The following KATNAL2 variants were observed in gnomAD, a reference collection of about 807,000 sequenced individuals.
The protein encoded by KATNAL2 is katanin catalytic subunit A1 like 2, also known as katanin p60 ATPase-containing subunit A-like 2.
In KATNAL2, 52 loss-of-function variants were observed where a neutral mutation model predicts 76.3. The observed-to-expected ratio is 0.68, with a 90% CI of 0.55 to 0.86. The LOEUF (loss-of-function observed/expected upper bound fraction) is 0.86, where lower values mean the gene tolerates loss of function less well. KATNAL2 is among the 40% of genes least tolerant of loss of function. The pLI is 0.00. For missense variants in KATNAL2, 660 were observed against 668.9 expected, an observed-to-expected ratio of 0.99 and a Z score of 0.15; for synonymous variants, 243 against 244.2, an observed-to-expected ratio of 1.00 and a Z score of 0.05.
intron 1 of KATNAL2, among the ~76,000 whole-genome samples, chr18:46,943,592 T>C (rs1278796156): frequency 6.6e-6 from 1 of 152,208 alleles, no homozygotes; most frequent in Non-Finnish European, 1.5e-5. Context: ...GCATGAATAA[T>C]CCACCCCCTG....
chr18:46,921,584 G>A (rs2058547655), intron 1 of KATNAL2, among the ~76,000 whole-genome samples: 1 of 151,944 alleles, frequency 6.6e-6, no homozygotes, highest in Non-Finnish European at 1.5e-5. Flanking sequence ...TGATCTGATA[G>A]ATCAGGTGTA....
At chr18:47,063,203 C>T in intron 9 of KATNAL2, 81 bp from the exon 10 acceptor site, 1 of 1,491,386 alleles carries the variant, frequency 6.7e-7, no homozygotes, top group South Asian at 1.2e-5. Flanking sequence ...GTTTGTTTCA[C>T]CAAGACCTGT....
rs978896314 is a variant in KATNAL2 at position 47,077,339 on chromosome 18, G to C, written c.1101-12G>C. The C allele has an allele frequency of 5.0e-6, 8 of 1,603,444 alleles. No individual in the cohort carries two copies. The highest frequency in any genetic ancestry group is 6.8e-6 in the Non-Finnish European group (8 of 1,170,484). On this transcript the variant is annotated splice_polypyrimidine_tract_variant and intron_variant, in intron 14 of 17. Transcript: ENST00000683218. Reference sequence around the variant, plus strand: ...CTGACACTTAGGAGAATCACGTCTTGTCTCTCTGTAGGGGAGAACATGAAG... The same window carrying C: ...CTGACACTTAGGAGAATCACGTCTTCTCTCTCTGTAGGGGAGAACATGAAG...
At chr18:47,034,392 G>A in intron 3 of KATNAL2, 5 of 1,614,050 alleles carry the variant, frequency 3.1e-6, no homozygotes, top group South Asian at 1.1e-5. Flanking sequence ...GGACACGCTG[G>A]CCGCTGCCAG....
intron 3 of KATNAL2, among the ~76,000 whole-genome samples, chr18:47,031,831 A>C (rs1409949792): frequency 6.6e-6 from 1 of 152,118 alleles, no homozygotes; most frequent in Non-Finnish European, 1.5e-5. Flanking sequence ...TCCCAGAAAG[A>C]ATGCTTTCTT....
chr18:46,947,188 G>A (rs2059407620), intron 3 of KATNAL2, among the ~76,000 whole-genome samples: 3 of 152,312 alleles, frequency 2.0e-5, no homozygotes, highest in Middle Eastern at 3.4e-3. Flanking sequence ...CCTGATTGAG[G>A]AAATGAGGTA....
intron 6 of KATNAL2, among the ~76,000 whole-genome samples, chr18:47,054,956 C>G (rs764272590): frequency 1.3e-5 from 2 of 152,270 alleles, no homozygotes; most frequent in Admixed American, 6.5e-5. Context: ...ACCCATTCTT[C>G]TCTTGCTTTT....
At chr18:47,086,831 G>C (rs1358942569) in intron 15 of KATNAL2, among the ~76,000 whole-genome samples, 1 of 152,184 alleles carries the variant, frequency 6.6e-6, no homozygotes, top group African/African-American at 2.4e-5. Context: ...CTAGCAGGAG[G>C]TTACTAAGCA....
chr18:46,936,778 C>G (rs558854623), intron 1 of KATNAL2, among the ~76,000 whole-genome samples: 1 of 152,100 alleles, frequency 6.6e-6, no homozygotes, highest in South Asian at 2.1e-4. Context: ...ATGGCGAAAC[C>G]CCATCTCTAC....
At chr18:47,085,855 T>G (rs2062748590) in intron 15 of KATNAL2, among the ~76,000 whole-genome samples, 1 of 152,122 alleles carries the variant, frequency 6.6e-6, no homozygotes, top group South Asian at 2.1e-4. Flanking sequence ...GTAATCCCAG[T>G]GTTTTGTAAG....
At chr18:47,089,753 T>C (rs1362209397) in intron 15 of KATNAL2, among the ~76,000 whole-genome samples, 1 of 152,184 alleles carries the variant, frequency 6.6e-6, no homozygotes, top group Non-Finnish European at 1.5e-5. Context: ...CTTTTCTCTA[T>C]TGATTAGAAC....
chr18:47,095,628 A>G (rs563910606), intron 15 of KATNAL2, among the ~76,000 whole-genome samples: 166 of 152,328 alleles, frequency 1.1e-3, no homozygotes, highest in South Asian at 3.7e-3. Context: ...CAGTGTTTTT[A>G]TTTCAACCTT....
intron 15 of KATNAL2, among the ~76,000 whole-genome samples, chr18:47,097,005 A>G (rs2063272991): frequency 6.6e-6 from 1 of 151,116 alleles, no homozygotes; most frequent in South Asian, 2.1e-4. Context: ...CTGTAGTCCC[A>G]GCTACTGGGG....
chr18:46,957,249 CTTTTTTTTTTTTTTT>C (rs1223846865), intron 3 of KATNAL2, among the ~76,000 whole-genome samples: 1 of 73,914 alleles, frequency 1.4e-5, no homozygotes, highest in South Asian at 5.6e-4. Context: ...TTGCCCTCTT[CTTTTTTTTTTTTTTT>C]TTTTTTTTTG....
intron 3 of KATNAL2, among the ~76,000 whole-genome samples, chr18:47,035,809 A>C (rs1599598491): frequency 6.6e-6 from 1 of 152,220 alleles, no homozygotes; most frequent in East Asian, 1.9e-4. Flanking sequence ...TGAATTCCAA[A>C]AAACACAGAC....
chr18:47,043,245 A>AAAAAAAT lies in KATNAL2; in HGVS notation c.52-3212_52-3211insAAAAAAT, dbSNP rs376877321. Among the ~76,000 whole-genome samples the AAAAAAAT allele has an allele frequency of 9.0e-4, 84 of 93,160 alleles. 12 individuals carry two copies. The highest frequency in any genetic ancestry group is 1.7e-3 in the African/African-American group (42 of 24,740). The allele number at this position is 93,160 out of a possible 152,430, so 61.1% of individuals were successfully genotyped here. On this transcript the variant is annotated intron_variant, in intron 3 of 17. Coordinates refer to ENST00000683218, the MANE Select transcript of KATNAL2 (RefSeq NM_001387690.1). Reference sequence around the variant, plus strand: ...CCGTTTCAAAAAAAAAAAAAAAAAAAGAGATCCTAAAAGCTTCCTGGGAAG... The same window carrying AAAAAAAT: ...CCGTTTCAAAAAAAAAAAAAAAAAAAAAAAAATGAGATCCTAAAAGCTTCCTGGGAAG...
chr18:47,032,129 G>A (rs1210354242), intron 3 of KATNAL2, among the ~76,000 whole-genome samples: 1 of 152,208 alleles, frequency 6.6e-6, no homozygotes, highest in Non-Finnish European at 1.5e-5. Flanking sequence ...TTTCATAGGG[G>A]TTCTGGGTGA....
At chr18:46,959,071 A>G (rs963546615) in intron 3 of KATNAL2, among the ~76,000 whole-genome samples, 3 of 152,254 alleles carry the variant, frequency 2.0e-5, no homozygotes, top group Non-Finnish European at 4.4e-5. Flanking sequence ...GCTCCTAAAA[A>G]AAGAGTAATT....
rs557612208 is a variant in KATNAL2 at position 46,928,987 on chromosome 18, C to T, written c.-510+11061C>T. Among the ~76,000 whole-genome samples the T allele has an allele frequency of 1.1e-4, 17 of 152,080 alleles. No homozygotes were observed. In the East Asian group the frequency reaches 2.2e-3, roughly 19 times the overall value. ...ATTTTTTTTGTACTTTTAGTAGAGA[C>T]GGGTTTTCACCATTTGGGCAGGCTG... On this transcript the variant is annotated intron_variant, in intron 1 of 17. Coordinates refer to ENST00000683218, the MANE Select transcript of KATNAL2 (RefSeq NM_001387690.1).
Sources: allele counts gnomAD v4.1 joint callset (sites outside exome capture counted in the v4.1 genomes callset), GRCh38; gene constraint gnomAD v4.1.1; transcripts MANE v1.5; gene names NCBI Gene and HGNC (gene_info 2026-07-23, HGNC 2026-07-21).